BNIP2: variants seen among roughly 807,000 people sequenced by gnomAD.
The protein encoded by BNIP2 is BCL2/adenovirus E1B 19 kDa protein-interacting protein 2.
A neutral mutation model predicts 43.4 loss-of-function variants in BNIP2; 36 were observed. The ratio of observed to expected loss-of-function variants is 0.83; its 90% CI spans 0.64 to 1.10. The LOEUF is 1.10. BNIP2 is among the 50% of genes least tolerant of loss of function. The probability of loss-of-function intolerance (pLI) is 0.00; values close to 1 mark genes in which losing one functional copy is unlikely to be tolerated. For synonymous variants in BNIP2, 146 were observed against 121.0 expected (o/e 1.21, Z -1.35); for missense variants, 417 against 374.1 (o/e 1.11, Z -0.95).
intron 1 of BNIP2, 99 bp downstream of exon 1, chr15:59,689,036 C>T (rs1894211383): frequency 6.9e-7 from 1 of 1,456,670 alleles, no homozygotes; most frequent in Non-Finnish European, 9.0e-7. Context: ...TTCCTCTCCC[C>T]GGACGTCGTG....
chr15:59,660,178 C>T lies in BNIP2; in HGVS notation c.*3891G>A, dbSNP rs1277231937. On this transcript the variant is annotated 3_prime_UTR_variant, in exon 10 of 10. Transcript: ENST00000607373. ...AACTCAAACTACACAATTCCTATGA[C>T]CTATAACAAGACCAGACCTATTTTA... is the stretch of plus-strand genomic sequence containing the variant. 2 of 152,174 alleles carry T rather than the reference C, an allele frequency of 1.3e-5. No homozygotes were observed. Among genetic ancestry groups the T allele is most frequent in the African/African-American group, 4.8e-5 (2 of 41,430 alleles). 9.4% of individuals were successfully genotyped at this position (152,174 alleles called of 1,614,324 possible). A position where few individuals can be genotyped will look rare whatever the true frequency, so the allele number is the denominator to read the frequency against.
chr15:59,670,216 G>C (rs560974076), intron 7 of BNIP2, among the ~76,000 whole-genome samples: 17 of 152,316 alleles, frequency 1.1e-4, no homozygotes, highest in African/African-American at 3.4e-4. Flanking sequence ...GATCGCTTTA[G>C]TCCAGGAGTT....
At chr15:59,669,208 A>G in intron 8 of BNIP2, 68 bp downstream of exon 8, 1 of 1,176,300 alleles carries the variant, frequency 8.5e-7, no homozygotes, top group Non-Finnish European at 1.2e-6. Flanking sequence ...ATGTATAGTT[A>G]TTATGTGTTA....
intron 1 of BNIP2, among the ~76,000 whole-genome samples, chr15:59,684,458 C>G (rs1215589472): frequency 2.0e-5 from 3 of 152,142 alleles, no homozygotes; most frequent in African/African-American, 7.2e-5. Context: ...ACCTACCTTA[C>G]CAAACAATCC....
intron 5 of BNIP2, among the ~76,000 whole-genome samples, chr15:59,673,970 G>C (rs921385659): frequency 6.6e-6 from 1 of 151,554 alleles, no homozygotes; most frequent in Non-Finnish European, 1.5e-5. Context: ...TGCACCTGTA[G>C]TCCCAGCTAC....
At chr15:59,678,334 G>T in intron 4 of BNIP2, 1 of 1,219,640 alleles carries the variant, frequency 8.2e-7, no homozygotes, top group Non-Finnish European at 1.0e-6. Context: ...ATAGTGAAAC[G>T]TGTATCCACA....
chr15:59,677,303 C>T lies in BNIP2; in HGVS notation c.472+608G>A, dbSNP rs139100080. 4,731 of 1,578,812 alleles carry T rather than the reference C, an allele frequency of 3.0e-3. 12 individuals carry two copies. Among genetic ancestry groups the T allele is most frequent in the Non-Finnish European group, 3.6e-3 (4,220 of 1,157,932 alleles). The stretch of plus-strand genomic sequence containing the variant: ...AGGGGATCCTGGCACACCAGAAAGC[C>T]ACATCAACAAGCCCATGAGCCCCAG... On this transcript the variant is annotated intron_variant, in intron 5 of 9. Coordinates refer to ENST00000607373, the MANE Select transcript of BNIP2 (RefSeq NM_004330.4).
At chr15:59,680,353 AT>A (rs6151508) in intron 2 of BNIP2, 45 bp from the exon 3 acceptor site, 625 of 1,454,498 alleles carry the variant, frequency 4.3e-4, no homozygotes, top group South Asian at 8.1e-4. Flanking sequence ...TTAAGAAAGA[AT>A]TTTTTTTTGA....
chr15:59,677,231 T>C (rs1418507872), intron 5 of BNIP2: 10 of 1,596,160 alleles, frequency 6.3e-6, no homozygotes, highest in Non-Finnish European at 8.6e-6. Flanking sequence ...TCTTCCAGAG[T>C]GCCAAGCCCC....
intron 1 of BNIP2, 123 bp downstream of exon 1, chr15:59,689,012 G>A (rs1470644724): frequency 1.1e-5 from 16 of 1,446,202 alleles, no homozygotes; most frequent in East Asian, 7.5e-5. Flanking sequence ...CCTACCAAGG[G>A]TAACTCTCTG....
chr15:59,678,173 A>C, intron 4 of BNIP2, 86 bp from the exon 5 acceptor site: 3 of 1,444,876 alleles, frequency 2.1e-6, no homozygotes, highest in Non-Finnish European at 2.7e-6. Context: ...CCTAGATTTT[A>C]CAGAGAATTT....
Position 59,687,003 on chromosome 15 carries a change from C to T in BNIP2, c.-58+2132G>A, listed in dbSNP as rs769302346. ...TTGCATTCCAGCCTGGGTGACAGAG[C>T]GAGACTGCATCTCAAAAAAGCTAAA... On this transcript the variant is annotated intron_variant, in intron 1 of 9. Transcript: ENST00000607373. Among the ~76,000 whole-genome samples the T allele has an allele frequency of 7.9e-5, 12 of 151,938 alleles. No homozygotes were observed. The South Asian group carries it at 1.2e-3, about 16-fold the overall frequency.
intron 2 of BNIP2, among the ~76,000 whole-genome samples, chr15:59,680,626 T>G (rs868127385): frequency 6.6e-6 from 1 of 152,114 alleles, no homozygotes; most frequent in African/African-American, 2.4e-5. Context: ...GCCTTGAACT[T>G]TTGGGCTCAA....
At chr15:59,679,810 G>C (rs1893544031) in intron 3 of BNIP2, 42 bp from the exon 4 acceptor site, 1 of 1,414,702 alleles carries the variant, frequency 7.1e-7, no homozygotes, top group South Asian at 1.7e-5. Context: ...AACAAGGAAT[G>C]CTTAGATGCT....
chr15:59,680,099 G>C, intron 3 of BNIP2, 142 bp downstream of exon 3: 3 of 720,938 alleles, frequency 4.2e-6, no homozygotes, highest in Non-Finnish European at 6.3e-6. Flanking sequence ...TTCTAAAAAT[G>C]CTTTCCTCAA....
rs544619386 is a variant in BNIP2 at position 59,676,486 on chromosome 15, A to C, written c.472+1425T>G. 1.7e-4 allele frequency among the ~76,000 whole-genome samples: 26 copies of C among 152,106 alleles called. No individual in the cohort carries two copies. In the East Asian group the frequency reaches 4.6e-3, roughly 27 times the overall value. On this transcript the variant is annotated intron_variant, in intron 5 of 9. Coordinates refer to ENST00000607373, the MANE Select transcript of BNIP2 (RefSeq NM_004330.4). ...TTACAAACCTGAGCCACCGTGCCCAACCTGACAGTTTTCACTACAAATTCT... is the reference window on the plus strand; with the variant it reads ...TTACAAACCTGAGCCACCGTGCCCACCCTGACAGTTTTCACTACAAATTCT...
In BNIP2 at chr15:59,663,323, T is replaced by C. The variant is rs1173708650; in HGVS notation, c.*746A>G. 1.3e-5 allele frequency: 2 copies of C among 152,304 alleles called. No homozygotes were observed. Among genetic ancestry groups the C allele is most frequent in the African/African-American group, 2.4e-5 (1 of 41,464 alleles). 9.4% of individuals were successfully genotyped at this position (152,304 alleles called of 1,614,324 possible). On this transcript the variant is annotated 3_prime_UTR_variant, in exon 10 of 10. Transcript: ENST00000607373. ...ATAAAATGTCCCATATATACATATA[T>C]ACAAACCCTAATTCCTACCCTCTTA...
chr15:59,680,762 C>T (rs1893616356), intron 2 of BNIP2, among the ~76,000 whole-genome samples: 1 of 152,168 alleles, frequency 6.6e-6, no homozygotes, highest in South Asian at 2.1e-4. Flanking sequence ...GGCACACCAA[C>T]ATGCCCAGCT....
chr15:59,672,922 G>T (rs758718695), intron 5 of BNIP2, among the ~76,000 whole-genome samples, 183 bp from the exon 6 acceptor site: 1 of 152,020 alleles, frequency 6.6e-6, no homozygotes, highest in Non-Finnish European at 1.5e-5. Flanking sequence ...TTCCCAAAAA[G>T]AGAACAGTAA....
Sources: gnomAD v4.1 joint callset for allele counts (sites outside exome capture counted in the v4.1 genomes callset) on GRCh38, gnomAD v4.1.1 for gene constraint, MANE v1.5 for transcripts, NCBI Gene and HGNC (gene_info 2026-07-23, HGNC 2026-07-21) for gene names.